Variants in FRMD4B observed in about 807,000 individuals in gnomAD.
The protein encoded by FRMD4B is FERM domain-containing protein 4B.
Under a neutral mutation model 141.5 loss-of-function variants are expected in FRMD4B, and 74 were observed. The observed-to-expected ratio is 0.52, with a 90% CI of 0.43 to 0.63. The LOEUF is 0.63. Among genes scored for constraint, FRMD4B ranks in the 30% least tolerant of loss-of-function variants. The pLI, the probability that FRMD4B is intolerant of heterozygous loss-of-function variation, is 0.00. For missense variants in FRMD4B, 1,366 were observed against 1,253.4 expected (o/e 1.09, Z -1.36); for synonymous variants, 506 against 467.9 (o/e 1.08, Z -1.05).
intron 2 of FRMD4B, among the ~76,000 whole-genome samples, chr3:69,431,018 G>A (rs1344040319): frequency 6.6e-6 from 1 of 152,144 alleles, no homozygotes; most frequent in Non-Finnish European, 1.5e-5. Context: ...ACAGGAACAA[G>A]GGAGGGAAAG....
chr3:69,449,712 ATT>A (rs892033797), intron 1 of FRMD4B, among the ~76,000 whole-genome samples: 25 of 150,376 alleles, frequency 1.7e-4, no homozygotes, highest in Non-Finnish European at 3.4e-4. Flanking sequence ...TAGTCTTGTG[ATT>A]TTTTTTTTCC....
At chr3:69,525,651 T>C (rs1443968630) in intron 1 of FRMD4B, among the ~76,000 whole-genome samples, 1 of 152,022 alleles carries the variant, frequency 6.6e-6, no homozygotes, top group African/African-American at 2.4e-5. Context: ...TCTCTAATCT[T>C]TTTTTTTCTT....
At chr3:69,412,576 G>T (rs1704776927) in intron 2 of FRMD4B, among the ~76,000 whole-genome samples, 2 of 152,188 alleles carry the variant, frequency 1.3e-5, no homozygotes, top group African/African-American at 4.8e-5. Context: ...AGGCCAAAGA[G>T]AATTTCATTT....
At chr3:69,242,315 A>T (rs1042202805) in intron 7 of FRMD4B, among the ~76,000 whole-genome samples, 7 of 151,874 alleles carry the variant, frequency 4.6e-5, no homozygotes, top group Non-Finnish European at 7.4e-5. Context: ...TATTATTATC[A>T]TTGACGGTAA....
chr3:69,209,306 C>T (rs1052294026), intron 11 of FRMD4B, among the ~76,000 whole-genome samples: 6 of 152,072 alleles, frequency 3.9e-5, no homozygotes, highest in Non-Finnish European at 8.8e-5. Context: ...CAATACCTAA[C>T]CAATTTTCTA....
intron 10 of FRMD4B, among the ~76,000 whole-genome samples, chr3:69,216,984 T>TA (rs879663207): frequency 0.023 from 3,241 of 143,142 alleles, 106 homozygotes; most frequent in African/African-American, 0.075. Context: ...AGTTATCCAT[T>TA]AAAAAAAAAA....
chr3:69,540,655 A>ATG (rs1701165587), intron 1 of FRMD4B, among the ~76,000 whole-genome samples: 1 of 87,536 alleles, frequency 1.1e-5, no homozygotes, highest in African/African-American at 5.7e-5. Context: ...ATATATATAT[A>ATG]TATATACACA....
At chr3:69,467,544 T>C (rs1466289575) in intron 1 of FRMD4B, among the ~76,000 whole-genome samples, 3 of 152,192 alleles carry the variant, frequency 2.0e-5, no homozygotes, top group Non-Finnish European at 4.4e-5. Context: ...ATCCCTGCTC[T>C]CCCATTACCA....
At chr3:69,374,898 A>G (rs140693218) in intron 1 of FRMD4B, among the ~76,000 whole-genome samples, 30 of 152,280 alleles carry the variant, frequency 2.0e-4, no homozygotes, top group African/African-American at 7.0e-4. Flanking sequence ...GAAGCTTCAA[A>G]GGTTAAGAAA....
intron 1 of FRMD4B, among the ~76,000 whole-genome samples, chr3:69,483,097 G>A (rs374206928): frequency 6.6e-6 from 1 of 152,066 alleles, no homozygotes; most frequent in Non-Finnish European, 1.5e-5. Flanking sequence ...TTTTTTTGTA[G>A]TTCAAAAAAG....
chr3:69,530,522 T>C (rs1020928648), intron 1 of FRMD4B, among the ~76,000 whole-genome samples: 8 of 152,056 alleles, frequency 5.3e-5, no homozygotes, highest in Non-Finnish European at 1.2e-4. Context: ...TCTTGGACTT[T>C]CCAGCCATCA....
At chr3:69,522,331 C>G (rs1421904002) in intron 1 of FRMD4B, among the ~76,000 whole-genome samples, 1 of 151,906 alleles carries the variant, frequency 6.6e-6, no homozygotes, top group Admixed American at 6.6e-5. Flanking sequence ...GAATCAGGCC[C>G]TAGATCTTCT....
chr3:69,330,340 C>CTTT (rs34238889), intron 1 of FRMD4B, among the ~76,000 whole-genome samples: 57 of 42,924 alleles, frequency 1.3e-3, no homozygotes, highest in African/African-American at 2.9e-3. Context: ...ATTCTTTTGC[C>CTTT]TTTTTTTTTT....
At chr3:69,390,477 A>G (rs1208365801), upstream of FRMD4B, among the ~76,000 whole-genome samples, 3 of 152,170 alleles carry the variant, frequency 2.0e-5, no homozygotes, top group African/African-American at 7.2e-5. Flanking sequence ...ACTGGCGTCT[A>G]GCAGGTAGAG....
chr3:69,187,875 A>G lies in FRMD4B; in HGVS notation c.1814T>C (p.Val605Ala). Residue 605 changes from valine (V) to alanine (A), a missense_variant, in exon 19 of 23, where the codon GTA (valine) becomes GCA (alanine). Transcript: ENST00000398540. ...FTFPGQRSSS[V>A]PHSPRILPPK... ...GGGAAGAATTCTTGGAGAATGAGGT[A>G]CTGAACTTGATCGCTGCCCAGGAAA... 6.2e-7 allele frequency: 1 copy of G among 1,607,324 alleles called. No homozygotes were observed. The highest frequency in any genetic ancestry group is 8.5e-7 in the Non-Finnish European group (1 of 1,176,024).
At chr3:69,416,224 G>A (rs1177933475) in intron 2 of FRMD4B, among the ~76,000 whole-genome samples, 3 of 152,172 alleles carry the variant, frequency 2.0e-5, no homozygotes, top group Non-Finnish European at 4.4e-5. Flanking sequence ...CTGACATACA[G>A]AAAGAAAAAG....
At chr3:69,444,520 A>T (rs766946377) in intron 1 of FRMD4B, among the ~76,000 whole-genome samples, 2 of 152,178 alleles carry the variant, frequency 1.3e-5, no homozygotes, top group African/African-American at 4.8e-5. Flanking sequence ...ATAAAAGTGC[A>T]TTCCAGCTCT....
rs367678019 is a variant in FRMD4B at position 69,328,624 on chromosome 3, A to G, written c.163-15107T>C. 2.0e-5 allele frequency among the ~76,000 whole-genome samples: 3 copies of G among 152,202 alleles called. No individual in the cohort carries two copies. In the East Asian group the frequency reaches 5.8e-4, roughly 29 times the overall value. The stretch of plus-strand genomic sequence containing the variant: ...CAGCTGATAAAACAGGACACAGCAA[A>G]GAAGCCAGCCAAAACCCACCAAAAC... On this transcript the variant is annotated intron_variant, in intron 1 of 22. Transcript: ENST00000398540.
intron 1 of FRMD4B, among the ~76,000 whole-genome samples, chr3:69,443,303 G>A (rs1705366571): frequency 6.6e-6 from 1 of 152,184 alleles, no homozygotes. Flanking sequence ...CTTTTTGGGA[G>A]AGCGGCACAT....
Sources: allele counts gnomAD v4.1 joint callset (sites outside exome capture counted in the v4.1 genomes callset), GRCh38; gene constraint gnomAD v4.1.1; transcripts MANE v1.5; gene names NCBI Gene and HGNC (gene_info 2026-07-23, HGNC 2026-07-21).